The following DNAJC1 variants were observed in gnomAD, a reference collection of about 807,000 sequenced individuals.
DNAJC1 encodes the protein dnaJ homolog subfamily C member 1.
In DNAJC1, 58 loss-of-function variants were observed where a neutral mutation model predicts 76.6. That is an observed-to-expected ratio of 0.76 (90% CI 0.61 to 0.94). The LOEUF (loss-of-function observed/expected upper bound fraction) is 0.94. Among genes scored for constraint, DNAJC1 ranks in the 40% least tolerant of loss-of-function variants. The pLI is 0.00. For missense variants in DNAJC1, 689 were observed against 677.3 expected, an observed-to-expected ratio of 1.02 and a Z score of -0.19; for synonymous variants, 258 against 267.9, an observed-to-expected ratio of 0.96 and a Z score of 0.36.
intron 8 of DNAJC1, among the ~76,000 whole-genome samples, chr10:21,831,144 T>C (rs1432119145): frequency 6.6e-6 from 1 of 152,140 alleles, no homozygotes; most frequent in Non-Finnish European, 1.5e-5. Context: ...TCTGTGACAG[T>C]TCCAAAAACC....
intron 1 of DNAJC1, among the ~76,000 whole-genome samples, chr10:21,959,159 C>T (rs980214219): frequency 3.9e-5 from 6 of 151,980 alleles, no homozygotes; most frequent in Admixed American, 6.6e-5. Flanking sequence ...GAGTCTCGCT[C>T]GGTTACCTAG....
chr10:21,879,560 G>T (rs1836238401), intron 8 of DNAJC1, among the ~76,000 whole-genome samples: 1 of 152,024 alleles, frequency 6.6e-6, no homozygotes, highest in Admixed American at 6.6e-5. Flanking sequence ...GAAGGCAGAG[G>T]TTGCAGTGAG....
At chr10:21,836,968 C>G (rs965921631) in intron 8 of DNAJC1, among the ~76,000 whole-genome samples, 5 of 152,232 alleles carry the variant, frequency 3.3e-5, no homozygotes, top group African/African-American at 1.2e-4. Context: ...CGAGCCGAAG[C>G]TAGACTGTAC....
At chr10:21,766,750 C>A (rs1834304517) in intron 9 of DNAJC1, among the ~76,000 whole-genome samples, 1 of 152,026 alleles carries the variant, frequency 6.6e-6, no homozygotes, top group African/African-American at 2.4e-5. Context: ...GTGGGTGGAT[C>A]ACTTGAGGTC....
intron 7 of DNAJC1, among the ~76,000 whole-genome samples, chr10:21,888,930 T>C (rs945199191): frequency 6.6e-6 from 1 of 152,158 alleles, no homozygotes. Context: ...TTCTAAACTT[T>C]TAGGTTCACA....
intron 8 of DNAJC1, among the ~76,000 whole-genome samples, chr10:21,862,138 G>C (rs538526194): frequency 6.6e-6 from 1 of 151,850 alleles, no homozygotes; most frequent in African/African-American, 2.4e-5. Flanking sequence ...GGCTGGTCTC[G>C]AACTCCCAAC....
At chr10:21,773,908 G>A (rs567385293) in intron 9 of DNAJC1, among the ~76,000 whole-genome samples, 25 of 151,474 alleles carry the variant, frequency 1.7e-4, no homozygotes, top group African/African-American at 4.6e-4. Context: ...TTGGGAGGCC[G>A]AGGCGGGCGG....
At chr10:21,983,795 T>C (rs1415614877) in intron 1 of DNAJC1, among the ~76,000 whole-genome samples, 1 of 152,028 alleles carries the variant, frequency 6.6e-6, no homozygotes, top group Non-Finnish European at 1.5e-5. Flanking sequence ...GGTAAGTTGT[T>C]TAATCGGTGC....
intron 8 of DNAJC1, 122 bp from the exon 9 acceptor site, chr10:21,806,221 C>G: frequency 1.9e-6 from 2 of 1,065,038 alleles, no homozygotes; most frequent in South Asian, 3.4e-5. Context: ...AATATGCTTT[C>G]TGTAAAAAAC....
At chr10:21,977,972 A>G (rs1838092296) in intron 1 of DNAJC1, among the ~76,000 whole-genome samples, 1 of 152,172 alleles carries the variant, frequency 6.6e-6, no homozygotes, top group Non-Finnish European at 1.5e-5. Flanking sequence ...ACCAATATTT[A>G]GATGATATTT....
chr10:21,936,270 T>G (rs953003650), intron 1 of DNAJC1, among the ~76,000 whole-genome samples: 14 of 152,212 alleles, frequency 9.2e-5, no homozygotes, highest in Non-Finnish European at 2.1e-4. Flanking sequence ...ATGTTGTACC[T>G]TGATCTTGGA....
At chr10:21,963,646 T>G (rs906206439) in intron 1 of DNAJC1, among the ~76,000 whole-genome samples, 2 of 152,240 alleles carry the variant, frequency 1.3e-5, no homozygotes, top group Admixed American at 6.5e-5. Flanking sequence ...ATTAATTTAT[T>G]TCCATATCTT....
At chr10:21,901,443 C>T (rs1160169134) in intron 7 of DNAJC1, among the ~76,000 whole-genome samples, 1 of 151,848 alleles carries the variant, frequency 6.6e-6, no homozygotes, top group African/African-American at 2.4e-5. Context: ...AATCATTAAC[C>T]CTCAAAAGTC....
At chr10:21,959,678 C>A (rs551747999) in intron 1 of DNAJC1, among the ~76,000 whole-genome samples, 1 of 150,844 alleles carries the variant, frequency 6.6e-6, no homozygotes. Context: ...CCCAGCTACC[C>A]GGGAGGCCAA....
chr10:21,840,428 A>G (rs1419239978), intron 8 of DNAJC1, among the ~76,000 whole-genome samples: 1 of 152,244 alleles, frequency 6.6e-6, no homozygotes, highest in Non-Finnish European at 1.5e-5. Flanking sequence ...ATCAATGTAC[A>G]AAAATCACAA....
In DNAJC1 at chr10:21,759,144, C is replaced by G. The variant is rs765023945; in HGVS notation, c.1596+26G>C. On this transcript the variant is annotated intron_variant, in intron 11 of 11. Transcript: ENST00000376980. The stretch of plus-strand genomic sequence containing the variant: ...CTCTGGTGGGATTCTAACACCTGTG[C>G]AGAGGCCTCTTTCCCCATCACTCAC... The G allele has an allele frequency of 3.8e-6, 6 of 1,597,206 alleles. No individual in the cohort carries two copies. The East Asian group carries it at 1.3e-4, about 36-fold the overall frequency.
intron 8 of DNAJC1, among the ~76,000 whole-genome samples, chr10:21,878,318 A>T (rs1836220389): frequency 6.6e-6 from 1 of 152,220 alleles, no homozygotes; most frequent in Non-Finnish European, 1.5e-5. Flanking sequence ...GGTTTAAGCC[A>T]ACACTTGCAA....
intron 7 of DNAJC1, among the ~76,000 whole-genome samples, chr10:21,903,119 GT>G (rs1333842753): frequency 6.6e-6 from 1 of 151,890 alleles, no homozygotes; most frequent in African/African-American, 2.4e-5. Flanking sequence ...TAGAGACGGG[GT>G]TTTTATGTTG....
intron 9 of DNAJC1, among the ~76,000 whole-genome samples, chr10:21,797,497 A>T (rs941736889): frequency 2.6e-5 from 4 of 152,170 alleles, no homozygotes; most frequent in African/African-American, 9.7e-5. Context: ...AATTTTTTTA[A>T]ACAAAAAAAT....
Sources: gnomAD v4.1 joint callset for allele counts (sites outside exome capture counted in the v4.1 genomes callset) on GRCh38, gnomAD v4.1.1 for gene constraint, MANE v1.5 for transcripts, NCBI Gene and HGNC (gene_info 2026-07-23, HGNC 2026-07-21) for gene names.